The following KDM2A variants were observed in gnomAD, a reference collection of about 807,000 sequenced individuals.
KDM2A encodes the protein lysine-specific demethylase 2A.
Under a neutral mutation model 137.3 loss-of-function variants are expected in KDM2A, and 3 were observed. The ratio of observed to expected loss-of-function variants is 0.02; its 90% CI spans 0.01 to 0.06. The LOEUF (loss-of-function observed/expected upper bound fraction) is 0.06. KDM2A is among the 10% of genes least tolerant of loss of function. KDM2A has a pLI of 1.00. For synonymous variants in KDM2A, 512 were observed against 541.5 expected, an observed-to-expected ratio of 0.95 and a Z score of 0.76; for missense variants, 738 against 1,510.6, an observed-to-expected ratio of 0.49 and a Z score of 8.48.
chr11:67,189,733 G>A (rs776426625), intron 5 of KDM2A, among the ~76,000 whole-genome samples: 25 of 152,056 alleles, frequency 1.6e-4, no homozygotes, highest in Non-Finnish European at 2.6e-4. Flanking sequence ...CCAGCTACTC[G>A]GGAGGCTGAG....
At chr11:67,240,222 A>G in intron 12 of KDM2A, 4 of 1,535,336 alleles carry the variant, frequency 2.6e-6, no homozygotes, top group Non-Finnish European at 3.5e-6. Context: ...GCTCTGGGAG[A>G]TTCCAGAATA....
At chr11:67,162,379 A>G (rs2136317663) in intron 2 of KDM2A, among the ~76,000 whole-genome samples, 1 of 152,200 alleles carries the variant, frequency 6.6e-6, no homozygotes, top group East Asian at 1.9e-4. Flanking sequence ...CAACACAGGA[A>G]AGTAGATATG....
chr11:67,185,993 A>C (rs1857195654), intron 5 of KDM2A, among the ~76,000 whole-genome samples: 2 of 152,060 alleles, frequency 1.3e-5, no homozygotes. Flanking sequence ...TAAGAGCCTA[A>C]AGGAACATTT....
intron 2 of KDM2A, among the ~76,000 whole-genome samples, chr11:67,151,802 A>ACCCAGAC: frequency 6.6e-6 from 1 of 152,050 alleles, no homozygotes; most frequent in Non-Finnish European, 1.5e-5. Context: ...GGAGTGTAGT[A>ACCCAGAC]TGGCTTTATC....
chr11:67,179,690 A>C (rs1857046039), intron 2 of KDM2A, among the ~76,000 whole-genome samples: 1 of 152,248 alleles, frequency 6.6e-6, no homozygotes, highest in Non-Finnish European at 1.5e-5. Context: ...TTTTAAATAC[A>C]GCTCTCCCTG....
chr11:67,130,129 A>ATT (rs71461635), intron 2 of KDM2A, among the ~76,000 whole-genome samples: 14,706 of 142,980 alleles, frequency 0.1, 1,970 homozygotes, highest in African/African-American at 0.31. Context: ...CACCTGGCTA[A>ATT]TTTTTTTTTT....
At chr11:67,252,511 GT>G (rs1174031495) in intron 17 of KDM2A, 182 bp from the exon 18 acceptor site, 3 of 645,040 alleles carry the variant, frequency 4.7e-6, no homozygotes, top group Non-Finnish European at 8.3e-6. Flanking sequence ...TCTAGTTGTT[GT>G]AGAGTTCAAG....
intron 5 of KDM2A, among the ~76,000 whole-genome samples, chr11:67,206,904 TATAA>T (rs925549893): frequency 1.2e-4 from 19 of 152,250 alleles, no homozygotes; most frequent in Non-Finnish European, 1.8e-4. Flanking sequence ...TTTATCATTC[TATAA>T]ATATTTGTGG....
chr11:67,131,412 C>CTT (rs563635809), intron 2 of KDM2A, among the ~76,000 whole-genome samples: 108 of 132,796 alleles, frequency 8.1e-4, no homozygotes, highest in African/African-American at 2.6e-3. Context: ...GTTTTCTTTT[C>CTT]TTTTTTTTTT....
intron 2 of KDM2A, among the ~76,000 whole-genome samples, chr11:67,156,164 C>T (rs562100965): frequency 7.3e-5 from 11 of 150,994 alleles, no homozygotes; most frequent in Admixed American, 6.6e-4. Flanking sequence ...AGAAGAATCA[C>T]TTGAACCCAG....
chr11:67,214,406 A>G (rs1236716436), intron 6 of KDM2A, among the ~76,000 whole-genome samples: 3 of 151,922 alleles, frequency 2.0e-5, no homozygotes, highest in African/African-American at 4.8e-5. Context: ...GGGTTTCACC[A>G]TGTTAGCCAA....
At chr11:67,196,694 T>C (rs955219927) in intron 5 of KDM2A, 5 of 322,760 alleles carry the variant, frequency 1.5e-5, no homozygotes, top group African/African-American at 1.1e-4. Context: ...GGAGACAAAA[T>C]AGAATAGTGG....
rs757056005 is a variant in KDM2A, at chr11:67,250,544, G to C, written c.2514G>C (p.Gln838His). Residue 838 changes from glutamine (Q) to histidine (H), a missense_variant, in exon 17 of 21, where the codon CAG becomes CAC. Physicochemically the swap from Gln to His is conservative, Grantham distance 24. This residue lies in a region of KDM2A where 244 missense variants were observed against 324.6 expected (regional missense o/e 0.75). Coordinates refer to ENST00000529006, the MANE Select transcript of KDM2A (RefSeq NM_012308.3). This position sits in a 1 kb window ranked among gnomAD's most constrained non-coding sequence, Gnocchi z 7.1. ...NLRHSPRVLV[Q>H]HCPARTPQRG... ...GCCATTCCCCCCGTGTGCTAGTGCA[G>C]CACTGCCCAGCCCGAACCCCCCAGC... 6.2e-7 allele frequency: 1 copy of C among 1,613,758 alleles called. No individual in the cohort carries two copies. The highest frequency in any genetic ancestry group is 8.5e-7 in the Non-Finnish European group (1 of 1,179,870).
intron 2 of KDM2A, among the ~76,000 whole-genome samples, chr11:67,169,054 C>T (rs989111274): frequency 6.9e-6 from 1 of 144,376 alleles, no homozygotes; most frequent in African/African-American, 2.6e-5. Context: ...TGCCGGGGTT[C>T]AAGCGATTCT....
chr11:67,135,031 A>G (rs1449417369), intron 2 of KDM2A, among the ~76,000 whole-genome samples: 1 of 152,096 alleles, frequency 6.6e-6, no homozygotes, highest in Non-Finnish European at 1.5e-5. Context: ...TTCACTGTCT[A>G]GACATCAGTC....
intron 6 of KDM2A, among the ~76,000 whole-genome samples, chr11:67,211,285 CAT>C (rs1049606483): frequency 6.6e-5 from 10 of 151,910 alleles, no homozygotes; most frequent in Non-Finnish European, 1.3e-4. Flanking sequence ...TTTTGACAAA[CAT>C]ATTTATTCAT....
At chr11:67,214,489 C>T (rs1281590448) in intron 6 of KDM2A, among the ~76,000 whole-genome samples, 1 of 152,178 alleles carries the variant, frequency 6.6e-6, no homozygotes, top group East Asian at 1.9e-4. Flanking sequence ...CAGGCGTGAG[C>T]CACTGCACTG....
At chr11:67,235,144 CAAAAAAAA>C (rs963893914) in intron 12 of KDM2A, among the ~76,000 whole-genome samples, 1 of 63,724 alleles carries the variant, frequency 1.6e-5, no homozygotes, top group South Asian at 5.2e-4. Flanking sequence ...GACTCCATCT[CAAAAAAAA>C]AAAAAAAAGA....
chr11:67,250,054 A>T lies in KDM2A; in HGVS notation c.2056-32A>T. 6.5e-7 allele frequency: 1 copy of T among 1,529,840 alleles called. No individual in the cohort carries two copies. The highest frequency in any genetic ancestry group is 8.8e-7 in the Non-Finnish European group (1 of 1,130,468). The allele number at this position is 1,529,840 out of a possible 1,614,324, so 94.8% of individuals were successfully genotyped here. ...TCAGAGGGTTTGGAAGAAAGGAAGC[A>T]CTGATGTTGCTTTTCTGGGCCTGTT... On this transcript the variant is annotated intron_variant, in intron 16 of 20. Transcript: ENST00000529006. This position sits in a 1 kb window ranked among gnomAD's most constrained non-coding sequence, Gnocchi z 7.1.
Sources: allele counts gnomAD v4.1 joint callset (sites outside exome capture counted in the v4.1 genomes callset), GRCh38; gene constraint gnomAD v4.1.1; regional missense constraint gnomAD v4.1.1; non-coding constraint Gnocchi (gnomAD v3.1); transcripts MANE v1.5; gene names NCBI Gene and HGNC (gene_info 2026-07-23, HGNC 2026-07-21).